Variants in FAT3 observed in about 807,000 individuals in gnomAD.
FAT3 encodes FAT atypical cadherin 3.
A neutral mutation model predicts 310.2 loss-of-function variants in FAT3; 95 were observed. That is an observed-to-expected ratio of 0.31 (90% confidence interval 0.26 to 0.36). The LOEUF (loss-of-function observed/expected upper bound fraction) is 0.36. FAT3 is among the 10% of genes least tolerant of loss of function. The probability of loss-of-function intolerance (pLI) is 1.00; values close to 1 mark genes in which losing one functional copy is unlikely to be tolerated. For synonymous variants in FAT3, 2,314 were observed against 2,192.9 expected, an observed-to-expected ratio of 1.06 and a Z score of -1.54; for missense variants, 5,408 against 5,715.6, an observed-to-expected ratio of 0.95 and a Z score of 1.74.
At chr11:92,603,800 G>T (rs914142830) in intron 3 of FAT3, among the ~76,000 whole-genome samples, 2 of 152,164 alleles carry the variant, frequency 1.3e-5, no homozygotes, top group Non-Finnish European at 2.9e-5. Context: ...AAACCAAAAA[G>T]AACAACAACT....
At chr11:92,226,964 A>T (rs1863939711) in intron 1 of FAT3, among the ~76,000 whole-genome samples, 1 of 151,730 alleles carries the variant, frequency 6.6e-6, no homozygotes, top group Admixed American at 6.6e-5. Context: ...TCCCACTTCC[A>T]TTTACAAGTG....
chr11:92,563,061 G>A (rs1955291318), intron 3 of FAT3, among the ~76,000 whole-genome samples: 1 of 152,094 alleles, frequency 6.6e-6, no homozygotes, highest in Non-Finnish European at 1.5e-5. Context: ...GAACAGCTTT[G>A]AATTTGGGGC....
intron 2 of FAT3, among the ~76,000 whole-genome samples, chr11:92,382,167 AG>A (rs1164662171): frequency 6.6e-6 from 1 of 152,168 alleles, no homozygotes; most frequent in East Asian, 1.9e-4. Flanking sequence ...ATCAACTGTC[AG>A]TATTTAATAG....
intron 3 of FAT3, among the ~76,000 whole-genome samples, chr11:92,630,677 A>G (rs903718874): frequency 6.6e-6 from 1 of 151,902 alleles, no homozygotes. Flanking sequence ...AACCCTTCCA[A>G]TTTTCCTCCT....
Position 92,800,058 on chromosome 11 carries a change from G to A in FAT3, c.7045G>A (p.Ala2349Thr). 6.2e-7 allele frequency: 1 copy of A among 1,613,990 alleles called. No homozygotes were observed. Residue 2349 changes from alanine (A) to threonine (T), a missense_variant, in exon 10 of 28, where the codon GCA becomes ACA. Around this residue, in one of 5 missense-constraint regions of FAT3, gnomAD observed 4,588 missense variants for 4,809.8 expected, o/e 0.95. Coordinates refer to ENST00000525166, the MANE Select transcript of FAT3 (RefSeq NM_001367949.2). ...IDSSSGLILTARMLDHELVQH... is the reference protein window; with the variant it reads ...IDSSSGLILTTRMLDHELVQH... ...TAGCTCAAGTGGCTTAATCCTGACA[G>A]CACGAATGCTGGACCATGAGTTAGT...
chr11:92,732,089 T>A (rs1219417415), intron 4 of FAT3, among the ~76,000 whole-genome samples: 2 of 150,994 alleles, frequency 1.3e-5, no homozygotes, highest in Non-Finnish European at 3.0e-5. Context: ...TTGGGGGATA[T>A]TTTTTTATTC....
intron 3 of FAT3, among the ~76,000 whole-genome samples, chr11:92,550,589 TC>T (rs1392941083): frequency 6.6e-6 from 1 of 151,886 alleles, no homozygotes; most frequent in Admixed American, 6.6e-5. Context: ...CTCTGCAGAG[TC>T]CCCTGCTAAG....
intron 1 of FAT3, among the ~76,000 whole-genome samples, chr11:92,330,667 G>A (rs544355187): frequency 6.6e-6 from 1 of 152,216 alleles, no homozygotes; most frequent in East Asian, 1.9e-4. Context: ...AAACTCTAAG[G>A]GCATTGTGTT....
chr11:92,849,124 A>C lies in FAT3; in HGVS notation c.11365+4392A>C, dbSNP rs535979822. On this transcript the variant is annotated intron_variant, in intron 19 of 27. Coordinates refer to ENST00000525166, the MANE Select transcript of FAT3 (RefSeq NM_001367949.2). ...TTTTTTCAAAAATTAAGGAAACCAA[A>C]ACTTGGAAAGGTCAATTGACTCACT... 2.6e-5 allele frequency among the ~76,000 whole-genome samples: 4 copies of C among 152,352 alleles called. No homozygotes were observed. In the East Asian group the frequency reaches 7.7e-4, roughly 29 times the overall value.
chr11:92,257,381 G>A (rs1394085853), intron 1 of FAT3, among the ~76,000 whole-genome samples: 1 of 152,106 alleles, frequency 6.6e-6, no homozygotes, highest in Non-Finnish European at 1.5e-5. Flanking sequence ...CTGTGGGGGA[G>A]ATGACTTTAA....
intron 6 of FAT3, among the ~76,000 whole-genome samples, chr11:92,767,138 A>G (rs576748664): frequency 3.0e-4 from 46 of 151,984 alleles, no homozygotes; most frequent in Non-Finnish European, 5.4e-4. Context: ...AATCCCAGCT[A>G]CTGGGGAGGC....
At chr11:92,365,960 A>G (rs1338350839) in intron 2 of FAT3, among the ~76,000 whole-genome samples, 1 of 152,248 alleles carries the variant, frequency 6.6e-6, no homozygotes, top group Non-Finnish European at 1.5e-5. Flanking sequence ...TAACACATAC[A>G]CTAAAGTCAG....
In FAT3 at chr11:92,799,427, T is replaced by C; in HGVS notation, c.6414T>C (p.Asn2138=). ...GHFEINPNSG[N]VILKEAFNSD... is the part of the protein sequence containing the mutation. ...TTGAAATTAACCCTAATTCAGGGAA[T>C]GTTATTTTAAAGGAAGCATTCAACT... The change falls in exon 10 of 28, where the codon AAT becomes AAC. Residue 2138 remains asparagine (N), a synonymous_variant. Transcript: ENST00000525166. 6.2e-7 allele frequency: 1 copy of C among 1,613,648 alleles called. No individual in the cohort carries two copies. Among genetic ancestry groups the C allele is most frequent in the East Asian group, 2.2e-5 (1 of 44,820 alleles).
chr11:92,342,289 C>T lies in FAT3; in HGVS notation c.-17-9807C>T, dbSNP rs376446261. On this transcript the variant is annotated intron_variant, in intron 1 of 27. Coordinates refer to ENST00000525166, the MANE Select transcript of FAT3 (RefSeq NM_001367949.2). ...GATGTATGGCAGCTCTACGTATGCC[C>T]AAGCCTCCCCTCCCCACCATCCACT... Among the ~76,000 whole-genome samples, 48 of 152,178 alleles carry T rather than the reference C, an allele frequency of 3.2e-4. 1 individual carries two copies. The East Asian group carries it at 7.5e-3, about 24-fold the overall frequency.
chr11:92,360,998 C>A (rs1948866684), intron 2 of FAT3, among the ~76,000 whole-genome samples: 1 of 152,134 alleles, frequency 6.6e-6, no homozygotes, highest in African/African-American at 2.4e-5. Flanking sequence ...TCAGATTTTT[C>A]TGGGTTATTG....
chr11:92,412,313 G>T (rs889121837), intron 2 of FAT3, among the ~76,000 whole-genome samples: 1 of 150,990 alleles, frequency 6.6e-6, no homozygotes, highest in Non-Finnish European at 1.5e-5. Context: ...ATGTTGGCCA[G>T]GATGGTCTCA....
intron 4 of FAT3, among the ~76,000 whole-genome samples, chr11:92,726,624 G>A (rs1460819442): frequency 8.6e-5 from 13 of 152,016 alleles, no homozygotes; most frequent in Admixed American, 8.5e-4. Flanking sequence ...TTAACATGTT[G>A]CCAGAAGCAC....
At position 92,798,108 on chromosome 11, in the gene FAT3, T is replaced by A. The variant is rs765599913; in HGVS notation, c.5095T>A (p.Ser1699Thr). 6.2e-7 allele frequency: 1 copy of A among 1,613,914 alleles called. No homozygotes were observed. Among genetic ancestry groups the A allele is most frequent in the Non-Finnish European group, 8.5e-7 (1 of 1,179,856 alleles). Residue 1699 changes from serine (S) to threonine (T), a missense_variant, in exon 10 of 28, where the codon TCT becomes ACT. Ser to Thr is a moderately conservative substitution (Grantham distance 58, BLOSUM62 1). Coordinates refer to ENST00000525166, the MANE Select transcript of FAT3 (RefSeq NM_001367949.2). ...SVILISAISQ[S>T]TLIYEVKDGD... is the part of the protein sequence containing the mutation. ...CATTCTAATCTCTGCCATCAGTCAA[T>A]CTACCCTCATTTATGAAGTCAAAGA... is the stretch of plus-strand genomic sequence containing the variant.
Position 92,801,201 on chromosome 11 carries a change from C to A in FAT3, c.8188C>A (p.Leu2730Met), listed in dbSNP as rs1225273225. Residue 2730 changes from leucine (L) to methionine (M), a missense_variant, in exon 10 of 28, where the codon CTG (leucine) becomes ATG (methionine). Around this residue, in one of 5 missense-constraint regions of FAT3, gnomAD observed 4,588 missense variants for 4,809.8 expected, o/e 0.95. Coordinates refer to ENST00000525166, the MANE Select transcript of FAT3 (RefSeq NM_001367949.2). ...AGCCATTGGGAGTACAGTGGACACC[C>A]TGAGGATTTTGCCCAGTCAGAATGT... ...DTAIGSTVDT[L>M]RILPSQNVWF... 2 of 1,613,820 alleles carry A rather than the reference C, an allele frequency of 1.2e-6. No homozygotes were observed. Among genetic ancestry groups the A allele is most frequent in the South Asian group, 1.1e-5 (1 of 91,048 alleles).
Sources: allele counts gnomAD v4.1 joint callset (sites outside exome capture counted in the v4.1 genomes callset), GRCh38; gene constraint gnomAD v4.1.1; regional missense constraint gnomAD v4.1.1; transcripts MANE v1.5; gene names NCBI Gene and HGNC (gene_info 2026-07-23, HGNC 2026-07-21).